The following NAPEPLD variants were observed in gnomAD, a reference collection of about 807,000 sequenced individuals.
NAPEPLD encodes the protein N-acyl-phosphatidylethanolamine-hydrolyzing phospholipase D.
A neutral mutation model predicts 38.1 loss-of-function variants in NAPEPLD; 23 were observed. The ratio of observed to expected loss-of-function variants is 0.60; its 90% CI spans 0.43 to 0.86. NAPEPLD has a LOEUF of 0.86. Among genes scored for constraint, NAPEPLD ranks in the 40% least tolerant of loss-of-function variants. The pLI is 0.00. For synonymous variants in NAPEPLD, 147 were observed against 162.0 expected (o/e 0.91, Z 0.71); for missense variants, 411 against 476.8 (o/e 0.86, Z 1.28).
rs199513037 is a variant in NAPEPLD at position 103,107,699 on chromosome 7, G to GA, written c.1057-4146dup. Among the ~76,000 whole-genome samples the GA allele has an allele frequency of 3.5e-3, 535 of 151,954 alleles. 1 individual carries two copies. The highest frequency in any genetic ancestry group is 0.014 in the Middle Eastern group (4 of 294). On this transcript the variant is annotated intron_variant, in intron 4 of 4. Coordinates refer to ENST00000465647, the MANE Select transcript of NAPEPLD (RefSeq NM_001122838.3). ...ATTAAAGCGAGAAGACAAGATTAGA[G>GA]AAAAAAGAGTGACAAGAAATGAACA...
chr7:103,108,304 A>C (rs1194350138), intron 4 of NAPEPLD, among the ~76,000 whole-genome samples: 3 of 152,126 alleles, frequency 2.0e-5, no homozygotes, highest in African/African-American at 7.2e-5. Flanking sequence ...CACAACACCC[A>C]GTTAATTTTT....
chr7:103,127,194 G>C (rs958983114), intron 2 of NAPEPLD: 1 of 152,112 alleles, frequency 6.6e-6, no homozygotes, highest in Non-Finnish European at 1.5e-5. Context: ...TGGTGCCAAA[G>C]AGAGGATTCT....
chr7:103,110,870 C>G (rs912645798), intron 4 of NAPEPLD, among the ~76,000 whole-genome samples: 3 of 151,186 alleles, frequency 2.0e-5, no homozygotes, highest in African/African-American at 7.3e-5. Flanking sequence ...TGATAAGCAA[C>G]TTCAGCAAAA....
In NAPEPLD at chr7:103,111,049, C is replaced by A. The variant is rs553234005; in HGVS notation, c.1056+4011G>T. On this transcript the variant is annotated intron_variant, in intron 4 of 4. Transcript: ENST00000465647. ...ATAAAATACCTAGGAATACAACTTACAAGGGATGTGAAGGACCTCTTCAGG... is the reference window on the plus strand; with the variant it reads ...ATAAAATACCTAGGAATACAACTTAAAAGGGATGTGAAGGACCTCTTCAGG... 6.6e-5 allele frequency among the ~76,000 whole-genome samples: 10 copies of A among 152,240 alleles called. No individual in the cohort carries two copies. In the South Asian group the frequency reaches 2.1e-3, roughly 32 times the overall value.
chr7:103,106,088 G>A (rs569331696), intron 4 of NAPEPLD, among the ~76,000 whole-genome samples: 34 of 152,264 alleles, frequency 2.2e-4, no homozygotes, highest in African/African-American at 7.0e-4. Flanking sequence ...TGCAGCCCAC[G>A]GAGGGTGAGC....
rs1369263175 is a variant in NAPEPLD at position 103,120,097 on chromosome 7, C to T, written c.421G>A (p.Glu141Lys). The change falls in exon 3 of 5, where the codon GAG becomes AAG. Residue 141 changes from glutamate (E) to lysine (K), a missense_variant. Physicochemically the swap from Glu to Lys is moderately conservative, Grantham distance 56. Transcript: ENST00000465647. Reference protein sequence around the residue: ...GHATVMVEMDELIFLTDPIFS... With the variant: ...GHATVMVEMDKLIFLTDPIFS... ...ATGGGATCCGTGAGAAATATGAGCTCATCCATTTCCACCATTACCGTGGCA... is the reference window on the plus strand; with the variant it reads ...ATGGGATCCGTGAGAAATATGAGCTTATCCATTTCCACCATTACCGTGGCA... The T allele has an allele frequency of 2.5e-6, 4 of 1,614,160 alleles. No homozygotes were observed. Among genetic ancestry groups the T allele is most frequent in the African/African-American group, 1.3e-5 (1 of 75,038 alleles).
intron 4 of NAPEPLD, among the ~76,000 whole-genome samples, chr7:103,112,350 AC>A (rs1804695705): frequency 6.6e-6 from 1 of 152,232 alleles, no homozygotes; most frequent in African/African-American, 2.4e-5. Context: ...CTTGGAACCA[AC>A]CCAAATGCCC....
Position 103,115,312 on chromosome 7 carries a change from T to C in NAPEPLD, c.942-138A>G, listed in dbSNP as rs548784248. 6.6e-6 allele frequency: 4 copies of C among 609,650 alleles called. No individual in the cohort carries two copies. The East Asian group carries it at 1.2e-4, about 18-fold the overall frequency. 37.8% of individuals were successfully genotyped at this position (609,650 alleles called of 1,614,324 possible). ...AATTAAGAACCACTGGGATAAAACATGCAGTTTTGGGGAGGATGAGCTAGA... is the reference window on the plus strand; with the variant it reads ...AATTAAGAACCACTGGGATAAAACACGCAGTTTTGGGGAGGATGAGCTAGA... On this transcript the variant is annotated intron_variant, in intron 3 of 4. Coordinates refer to ENST00000465647, the MANE Select transcript of NAPEPLD (RefSeq NM_001122838.3).
intron 4 of NAPEPLD, among the ~76,000 whole-genome samples, chr7:103,104,868 T>A (rs1219292592): frequency 6.6e-6 from 1 of 152,184 alleles, no homozygotes; most frequent in East Asian, 1.9e-4. Flanking sequence ...AAAAATAACT[T>A]CTTTTGTTAA....
At chr7:103,149,898 C>T (rs1721404044), upstream of NAPEPLD, among the ~76,000 whole-genome samples, 1 of 152,096 alleles carries the variant, frequency 6.6e-6, no homozygotes, top group African/African-American at 2.4e-5. Flanking sequence ...ATCCTGGTAG[C>T]GAAGAAACTA....
chr7:103,117,304 C>G (rs946768185), intron 3 of NAPEPLD, among the ~76,000 whole-genome samples: 2 of 152,196 alleles, frequency 1.3e-5, no homozygotes, highest in Non-Finnish European at 2.9e-5. Flanking sequence ...CAGCACTGTT[C>G]TGCCATATCT....
At chr7:103,131,659 A>AG (rs200253411) in intron 1 of NAPEPLD, among the ~76,000 whole-genome samples, 2 of 150,502 alleles carry the variant, frequency 1.3e-5, no homozygotes, top group African/African-American at 5.0e-5. Flanking sequence ...CTCTGTCTCA[A>AG]GGGGAAAAAA....
intron 2 of NAPEPLD, among the ~76,000 whole-genome samples, chr7:103,126,603 TTTTTG>T (rs1563360152): frequency 6.7e-6 from 1 of 150,130 alleles, no homozygotes; most frequent in African/African-American, 2.4e-5. Flanking sequence ...AATGCAATTT[TTTTTG>T]TTTTGTTTTG....
At chr7:103,107,297 C>G (rs937978129) in intron 4 of NAPEPLD, among the ~76,000 whole-genome samples, 1 of 152,042 alleles carries the variant, frequency 6.6e-6, no homozygotes, top group African/African-American at 2.4e-5. Flanking sequence ...TGGGGAGAAA[C>G]CAGCACAAAA....
chr7:103,149,765 T>C (rs926257095), upstream of NAPEPLD, among the ~76,000 whole-genome samples: 1 of 152,200 alleles, frequency 6.6e-6, no homozygotes, highest in Non-Finnish European at 1.5e-5. Flanking sequence ...CATGAACGCA[T>C]TCCTGGACAC....
At chr7:103,105,020 A>C (rs1803021009) in intron 4 of NAPEPLD, among the ~76,000 whole-genome samples, 1 of 152,200 alleles carries the variant, frequency 6.6e-6, no homozygotes, top group Non-Finnish European at 1.5e-5. Flanking sequence ...GATATGTTAG[A>C]GTTGGCAGTA....
chr7:103,116,090 C>A (rs1805509726), intron 3 of NAPEPLD, among the ~76,000 whole-genome samples: 1 of 151,730 alleles, frequency 6.6e-6, no homozygotes, highest in Non-Finnish European at 1.5e-5. Flanking sequence ...GAGATTGAGT[C>A]TCACTCTGTC....
At chr7:103,104,562 C>T (rs1026426113) in intron 4 of NAPEPLD, among the ~76,000 whole-genome samples, 3 of 152,174 alleles carry the variant, frequency 2.0e-5, no homozygotes, top group Non-Finnish European at 2.9e-5. Context: ...TTCCCCCTTG[C>T]TCAGTTCCAG....
At chr7:103,135,436 G>C (rs10233506) in intron 1 of NAPEPLD, among the ~76,000 whole-genome samples, 3,332 of 152,262 alleles carry the variant, frequency 0.022, 145 homozygotes, top group African/African-American at 0.075. Context: ...TAGGGAACCA[G>C]TGGGAGGGCA....
Sources: allele counts gnomAD v4.1 joint callset (sites outside exome capture counted in the v4.1 genomes callset), GRCh38; gene constraint gnomAD v4.1.1; transcripts MANE v1.5; gene names NCBI Gene and HGNC (gene_info 2026-07-23, HGNC 2026-07-21).